Variants in FNDC3A observed in about 807,000 individuals in gnomAD.
FNDC3A encodes the protein fibronectin type-III domain-containing protein 3A.
FNDC3A carries 32 observed loss-of-function variants against 148.9 expected under a neutral mutation model. That is an observed-to-expected ratio of 0.21 (90% CI 0.16 to 0.29). The LOEUF is 0.29. FNDC3A is among the 10% of genes least tolerant of loss of function. FNDC3A has a pLI of 1.00. For synonymous variants in FNDC3A, 472 were observed against 473.6 expected, an observed-to-expected ratio of 1.00 and a Z score of 0.04; for missense variants, 1,191 against 1,452.8, an observed-to-expected ratio of 0.82 and a Z score of 2.93.
intron 2 of FNDC3A, among the ~76,000 whole-genome samples, chr13:49,043,277 T>C (rs1875093496): frequency 6.6e-6 from 1 of 152,184 alleles, no homozygotes; most frequent in African/African-American, 2.4e-5. Context: ...CAAACATATT[T>C]TTAAGCTGTT....
At chr13:49,139,239 G>A (rs1882555485) in intron 7 of FNDC3A, among the ~76,000 whole-genome samples, 2 of 152,120 alleles carry the variant, frequency 1.3e-5, no homozygotes, top group South Asian at 4.1e-4. Context: ...GAGAACAGGT[G>A]TAAGTAAGCA....
intron 3 of FNDC3A, among the ~76,000 whole-genome samples, chr13:49,103,237 C>T (rs922163110): frequency 1.3e-5 from 2 of 152,326 alleles, no homozygotes; most frequent in Admixed American, 1.3e-4. Context: ...TTCTTCATCA[C>T]TACCTTATGC....
chr13:49,036,762 C>T (rs1006365746), intron 2 of FNDC3A, among the ~76,000 whole-genome samples: 1 of 152,150 alleles, frequency 6.6e-6, no homozygotes, highest in Non-Finnish European at 1.5e-5. Flanking sequence ...AATAATCTAA[C>T]TTTGCTTTAG....
chr13:49,029,143 T>G (rs568690391), intron 2 of FNDC3A, among the ~76,000 whole-genome samples: 1 of 151,530 alleles, frequency 6.6e-6, no homozygotes, highest in Admixed American at 6.6e-5. Context: ...CAGGCTGAAG[T>G]TTTTTTTTAG....
chr13:49,209,639 TAAGA>T lies in FNDC3A; in HGVS notation c.*2248_*2251del, dbSNP rs1043226321. On this transcript the variant is annotated 3_prime_UTR_variant, in exon 26 of 26. Transcript: ENST00000492622. ...ATATATTCATTATTTGCTACCTGTT[TAAGA>T]AAGTGAAATGTTATGGTCTCCCCTC... The T allele has an allele frequency of 6.6e-6, 1 of 152,596 alleles. No homozygotes were observed. Among genetic ancestry groups the T allele is most frequent in the African/African-American group, 2.4e-5 (1 of 41,454 alleles). The allele number at this position is 152,596 out of a possible 1,614,324, so 9.5% of individuals were successfully genotyped here.
chr13:49,162,709 C>A (rs1049385154), intron 8 of FNDC3A, among the ~76,000 whole-genome samples: 3 of 152,204 alleles, frequency 2.0e-5, no homozygotes, highest in African/African-American at 7.2e-5. Flanking sequence ...TTAGAATTTT[C>A]ATCTTTTCTG....
At position 49,197,809 on chromosome 13, in the gene FNDC3A, G is replaced by C. The variant is rs1402127372; in HGVS notation, c.2425G>C (p.Gly809Arg). Reference sequence around the variant, plus strand: ...AGGAAGTATGCAGATATGTTACTGTGGGCCTGGTCTCAGTTATGAAATAAA... The same window carrying C: ...AGGAAGTATGCAGATATGTTACTGTCGGCCTGGTCTCAGTTATGAAATAAA... ...VEGSMQICYC[G>R]PGLSYEIKGL... The change falls in exon 21 of 26, where the codon GGG becomes CGG. Residue 809 changes from glycine (G) to arginine (R), a missense_variant. Gly to Arg is a moderately radical substitution (Grantham distance 125). Transcript: ENST00000492622. The C allele has an allele frequency of 1.2e-6, 2 of 1,610,598 alleles. No homozygotes were observed. Among genetic ancestry groups the C allele is most frequent in the Admixed American group, 1.7e-5 (1 of 58,816 alleles).
chr13:49,043,526 A>T (rs1875117391), intron 2 of FNDC3A, among the ~76,000 whole-genome samples: 1 of 152,182 alleles, frequency 6.6e-6, no homozygotes, highest in Non-Finnish European at 1.5e-5. Flanking sequence ...GTATCCTTTA[A>T]TATTTTGTCT....
chr13:48,977,249 T>G (rs936346542), intron 1 of FNDC3A, among the ~76,000 whole-genome samples: 1 of 152,196 alleles, frequency 6.6e-6, no homozygotes, highest in African/African-American at 2.4e-5. Context: ...ACAACGTAAT[T>G]ATTTTGCTTC....
intron 10 of FNDC3A, 81 bp from the exon 11 acceptor site, chr13:49,171,962 A>G: frequency 1.0e-6 from 1 of 963,062 alleles, no homozygotes; most frequent in East Asian, 2.5e-5. Context: ...CACATAAACT[A>G]GATCCTTATA....
chr13:49,038,843 C>G (rs549222245), intron 2 of FNDC3A, among the ~76,000 whole-genome samples: 1 of 152,096 alleles, frequency 6.6e-6, no homozygotes, highest in South Asian at 2.1e-4. Context: ...AAAATTGATG[C>G]CATTCATAAA....
intron 8 of FNDC3A, among the ~76,000 whole-genome samples, chr13:49,164,774 TA>T (rs1290333918): frequency 6.6e-6 from 1 of 152,128 alleles, no homozygotes; most frequent in African/African-American, 2.4e-5. Context: ...ACCGGCCGGC[TA>T]ATTTTTTGCA....
intron 10 of FNDC3A, among the ~76,000 whole-genome samples, chr13:49,170,611 G>A (rs1884704502): frequency 6.6e-6 from 1 of 152,134 alleles, no homozygotes; most frequent in South Asian, 2.1e-4. Context: ...ACTGATTTTT[G>A]TGGGCAGATA....
At chr13:49,186,941 A>G (rs78871791) in intron 15 of FNDC3A, among the ~76,000 whole-genome samples, 181 bp from the exon 16 acceptor site, 3,938 of 152,326 alleles carry the variant, frequency 0.026, 71 homozygotes, top group Non-Finnish European at 0.043. Context: ...CCATATTTTA[A>G]ATATGGTAAA....
chr13:49,037,897 G>A (rs984595260), intron 2 of FNDC3A, among the ~76,000 whole-genome samples: 6 of 152,206 alleles, frequency 3.9e-5, no homozygotes, highest in East Asian at 1.9e-4. Context: ...TAGTTTTGCC[G>A]TCCACAGATG....
chr13:49,049,290 C>T (rs1875648170), intron 2 of FNDC3A, among the ~76,000 whole-genome samples: 1 of 152,048 alleles, frequency 6.6e-6, no homozygotes, highest in African/African-American at 2.4e-5. Flanking sequence ...TCGTCCTTCC[C>T]TGGTTTTGGT....
At chr13:49,176,051 C>T (rs1387805068) in intron 13 of FNDC3A, among the ~76,000 whole-genome samples, 1 of 152,178 alleles carries the variant, frequency 6.6e-6, no homozygotes, top group African/African-American at 2.4e-5. Flanking sequence ...ATGAAGCCAA[C>T]TTGATCATGG....
At chr13:49,179,465 C>G (rs1566309998) in intron 14 of FNDC3A, among the ~76,000 whole-genome samples, 1 of 151,964 alleles carries the variant, frequency 6.6e-6, no homozygotes, top group Non-Finnish European at 1.5e-5. Flanking sequence ...GCATCTTGTT[C>G]CTCATCAAAC....
chr13:49,171,442 A>G (rs1301408893), intron 10 of FNDC3A, among the ~76,000 whole-genome samples: 1 of 152,212 alleles, frequency 6.6e-6, no homozygotes, highest in Non-Finnish European at 1.5e-5. Context: ...TTGTAGAAGG[A>G]AAATTCAGAT....
Sources: gnomAD v4.1 joint callset for allele counts (sites outside exome capture counted in the v4.1 genomes callset) on GRCh38, gnomAD v4.1.1 for gene constraint, MANE v1.5 for transcripts, NCBI Gene and HGNC (gene_info 2026-07-23, HGNC 2026-07-21) for gene names.